Variants in ARHGEF3 observed in about 807,000 individuals in gnomAD.
ARHGEF3 encodes the protein Rho guanine nucleotide exchange factor 3, also known as 59.8 kDA protein.
Under a neutral mutation model 63.2 loss-of-function variants are expected in ARHGEF3, and 28 were observed. That is an observed-to-expected ratio of 0.44 (90% CI 0.33 to 0.61). ARHGEF3 has a LOEUF of 0.61. Ranked by LOEUF, ARHGEF3 falls within the 20% of genes least tolerant of loss-of-function variation. The probability of loss-of-function intolerance (pLI) is 0.03; values close to 1 mark genes in which losing one functional copy is unlikely to be tolerated. For missense variants in ARHGEF3, 533 were observed against 659.3 expected, an observed-to-expected ratio of 0.81 and a Z score of 2.10; for synonymous variants, 266 against 254.2, an observed-to-expected ratio of 1.05 and a Z score of -0.44.
chr3:56,888,854 G>A (rs1363366166), intron 3 of ARHGEF3, among the ~76,000 whole-genome samples: 1 of 151,800 alleles, frequency 6.6e-6, no homozygotes, highest in East Asian at 1.9e-4. Context: ...GGTGAGCCGA[G>A]ATCGCACCAT....
chr3:56,896,528 G>T (rs2041306948), intron 3 of ARHGEF3, among the ~76,000 whole-genome samples: 1 of 152,056 alleles, frequency 6.6e-6, no homozygotes, highest in Non-Finnish European at 1.5e-5. Context: ...ATAGCTATTG[G>T]TTTTCCTGGT....
chr3:57,058,977 C>T (rs1347247932), intron 1 of ARHGEF3, among the ~76,000 whole-genome samples: 1 of 127,632 alleles, frequency 7.8e-6, no homozygotes, highest in African/African-American at 3.1e-5. Flanking sequence ...GAACATCACA[C>T]ACCAGGGACT....
chr3:57,023,101 T>A (rs769858300), intron 2 of ARHGEF3, among the ~76,000 whole-genome samples: 1 of 152,202 alleles, frequency 6.6e-6, no homozygotes, highest in Non-Finnish European at 1.5e-5. Flanking sequence ...ACTTCACACA[T>A]CTGTTTATGG....
intron 4 of ARHGEF3, among the ~76,000 whole-genome samples, chr3:56,841,222 G>A (rs2039297692): frequency 1.3e-5 from 2 of 152,144 alleles, no homozygotes; most frequent in African/African-American, 4.8e-5. Context: ...CCTTGGCTGG[G>A]ATCTTTCCCT....
intron 1 of ARHGEF3, among the ~76,000 whole-genome samples, chr3:56,788,132 C>T (rs1481015148): frequency 1.3e-5 from 2 of 152,138 alleles, no homozygotes; most frequent in African/African-American, 4.8e-5. Flanking sequence ...CTTAGTGAGC[C>T]CAGGTTCAAA....
intron 2 of ARHGEF3, among the ~76,000 whole-genome samples, chr3:56,993,055 G>A (rs997553141): frequency 2.6e-5 from 4 of 152,100 alleles, no homozygotes; most frequent in Admixed American, 6.5e-5. Context: ...GTCTGGCCTC[G>A]AATTCCTGAC....
chr3:56,882,508 CTTTTTTTT>C (rs397989726), intron 3 of ARHGEF3, among the ~76,000 whole-genome samples: 3 of 84,332 alleles, frequency 3.6e-5, no homozygotes, highest in African/African-American at 1.1e-4. Context: ...ATGAACACTT[CTTTTTTTT>C]TTTTTTTTTT....
chr3:56,807,862 G>A (rs2037918387), intron 4 of ARHGEF3, among the ~76,000 whole-genome samples: 1 of 152,196 alleles, frequency 6.6e-6, no homozygotes, highest in African/African-American at 2.4e-5. Context: ...AGTGGCTCAT[G>A]CCTGTAATCC....
chr3:56,790,660 C>T (rs886413381), intron 1 of ARHGEF3, among the ~76,000 whole-genome samples: 4 of 152,204 alleles, frequency 2.6e-5, no homozygotes, highest in East Asian at 1.9e-4. Flanking sequence ...GAAATGCCTG[C>T]GTGACTTGCG....
chr3:57,017,028 TCTCTCA>T (rs1474740888), intron 2 of ARHGEF3, among the ~76,000 whole-genome samples: 2,379 of 127,342 alleles, frequency 0.019, 19 homozygotes, highest in South Asian at 0.031. Flanking sequence ...TCTCTCTCTC[TCTCTCA>T]CACACACACA....
intron 3 of ARHGEF3, among the ~76,000 whole-genome samples, chr3:56,914,690 G>A (rs939046217): frequency 6.6e-5 from 10 of 152,120 alleles, no homozygotes; most frequent in Admixed American, 2.6e-4. Context: ...TCTGACACAC[G>A]TTACAACTTG....
intron 2 of ARHGEF3, among the ~76,000 whole-genome samples, chr3:56,989,005 A>C (rs111324406): frequency 6.6e-6 from 1 of 152,028 alleles, no homozygotes; most frequent in African/African-American, 2.4e-5. Flanking sequence ...CTGGAAGACA[A>C]TTTTTTCCAG....
intron 3 of ARHGEF3, among the ~76,000 whole-genome samples, chr3:56,884,213 G>C (rs60833190): frequency 1.3e-5 from 2 of 151,928 alleles, no homozygotes; most frequent in African/African-American, 2.4e-5. Flanking sequence ...AAAGGAAGAG[G>C]AGTAAATATA....
intron 4 of ARHGEF3, among the ~76,000 whole-genome samples, chr3:56,874,542 A>G (rs2040526168): frequency 6.6e-6 from 1 of 152,190 alleles, no homozygotes; most frequent in Non-Finnish European, 1.5e-5. Context: ...GCAATGAAAC[A>G]CCATTTAGCT....
rs898598889 is a variant in ARHGEF3, at chr3:56,771,976, C to A, written c.204+1733G>T. Among the ~76,000 whole-genome samples, 7 of 152,140 alleles carry A rather than the reference C, an allele frequency of 4.6e-5. No homozygotes were observed. In the East Asian group the frequency reaches 9.6e-4, roughly 21 times the overall value. ...TGATGAATCTTCCAGGGGATGCCTG[C>A]GATGAACTTGTCGAGAGGGCTGAAG... On this transcript the variant is annotated intron_variant, in intron 2 of 9. Transcript: ENST00000296315.
At chr3:56,914,774 A>G (rs2041941729) in intron 3 of ARHGEF3, among the ~76,000 whole-genome samples, 1 of 152,210 alleles carries the variant, frequency 6.6e-6, no homozygotes, top group East Asian at 1.9e-4. Flanking sequence ...GACTCTACTT[A>G]TATGAGATAC....
chr3:56,816,754 G>T (rs759000577), intron 4 of ARHGEF3, among the ~76,000 whole-genome samples: 1 of 152,234 alleles, frequency 6.6e-6, no homozygotes, highest in Non-Finnish European at 1.5e-5. Flanking sequence ...CTAGTAAGCA[G>T]CAGAGCTGGA....
intron 3 of ARHGEF3, among the ~76,000 whole-genome samples, chr3:56,902,309 A>G (rs939232829): frequency 6.6e-6 from 1 of 152,206 alleles, no homozygotes; most frequent in Non-Finnish European, 1.5e-5. Context: ...ATCATAAGTA[A>G]TGAGGATCTC....
chr3:56,768,034 C>T (rs545500752), intron 2 of ARHGEF3, among the ~76,000 whole-genome samples: 2 of 152,052 alleles, frequency 1.3e-5, no homozygotes, highest in African/African-American at 4.8e-5. Context: ...ATGCGTGAGC[C>T]ACCATGCCCA....
Sources: allele counts gnomAD v4.1 joint callset (sites outside exome capture counted in the v4.1 genomes callset), GRCh38; gene constraint gnomAD v4.1.1; transcripts MANE v1.5; gene names NCBI Gene and HGNC (gene_info 2026-07-23, HGNC 2026-07-21).